Variants in DRC5 observed in about 807,000 individuals in gnomAD.
DRC5 encodes dynein regulatory complex subunit 5, also known as T-complex-associated testis-expressed protein 1.
chr6:44,282,704 G>C, the DRC5 span: 3 of 629,684 alleles, frequency 4.8e-6, no homozygotes, highest in Admixed American at 9.0e-5. Flanking sequence ...TGGCAGAGTA[G>C]TGTAGAATTG....
chr6:44,293,959 A>T, the DRC5 span, among the ~76,000 whole-genome samples: 1 of 152,352 alleles, frequency 6.6e-6, no homozygotes, highest in South Asian at 2.1e-4. Context: ...TAAATCATAA[A>T]ATGTATACTG....
At chr6:44,288,719 C>T in the DRC5 span, among the ~76,000 whole-genome samples, 4 of 152,058 alleles carry the variant, frequency 2.6e-5, no homozygotes, top group South Asian at 2.1e-4. Context: ...CAAGGCTGGG[C>T]GTGGTGGCTC....
the DRC5 span, among the ~76,000 whole-genome samples, chr6:44,293,925 A>C: frequency 3.9e-5 from 6 of 152,152 alleles, no homozygotes; most frequent in Non-Finnish European, 8.8e-5. Context: ...ATATCTCATC[A>C]TTTTAGGTCA....
chr6:44,290,298 G>A, the DRC5 span, among the ~76,000 whole-genome samples: 2 of 152,142 alleles, frequency 1.3e-5, no homozygotes, highest in Admixed American at 1.3e-4. Context: ...CCTTATCTGA[G>A]AAACTGGATA....
the DRC5 span, chr6:44,287,342 T>C: frequency 1.5e-6 from 1 of 673,258 alleles, no homozygotes; most frequent in South Asian, 6.7e-5. Context: ...TGGGTGGGAG[T>C]CTGGTGGGAC....
chr6:44,283,347 G>A, the DRC5 span, among the ~76,000 whole-genome samples: 1 of 150,002 alleles, frequency 6.7e-6, no homozygotes, highest in Non-Finnish European at 1.5e-5. Flanking sequence ...AGGTTGCCAG[G>A]GCAAGAACCA....
chr6:44,285,415 G>T, the DRC5 span, among the ~76,000 whole-genome samples: 11 of 152,106 alleles, frequency 7.2e-5, no homozygotes, highest in Admixed American at 3.3e-4. Flanking sequence ...TTGGAGACAG[G>T]GTCTCATTTT....
At chr6:44,280,132 G>C in the DRC5 span, 1 of 1,511,790 alleles carries the variant, frequency 6.6e-7, no homozygotes, top group Non-Finnish European at 9.2e-7. Context: ...GCATGGCAGG[G>C]GTATGAAATG....
chr6:44,290,308 A>C, the DRC5 span, among the ~76,000 whole-genome samples: 1 of 152,158 alleles, frequency 6.6e-6, no homozygotes, highest in Non-Finnish European at 1.5e-5. Context: ...GAAACTGGAT[A>C]ATAATATCTT....
chr6:44,292,361 G>A, the DRC5 span, among the ~76,000 whole-genome samples: 4 of 152,138 alleles, frequency 2.6e-5, no homozygotes, highest in Non-Finnish European at 5.9e-5. Context: ...CTCTCTGAAG[G>A]CAAGGTGCTT....
chr6:44,285,356 G>A, the DRC5 span, among the ~76,000 whole-genome samples: 1 of 152,116 alleles, frequency 6.6e-6, no homozygotes, highest in East Asian at 1.9e-4. Flanking sequence ...TGGAATATTC[G>A]GGACATACTT....
chr6:44,288,633 T>C, the DRC5 span, among the ~76,000 whole-genome samples: 1 of 152,164 alleles, frequency 6.6e-6, no homozygotes, highest in African/African-American at 2.4e-5. Flanking sequence ...AACAGAAATA[T>C]AATGCAAGCC....
At chr6:44,290,977 G>C in the DRC5 span, among the ~76,000 whole-genome samples, 1 of 152,148 alleles carries the variant, frequency 6.6e-6, no homozygotes, top group South Asian at 2.1e-4. Context: ...GGTCCTAATT[G>C]GTCTTGCTGC....
the DRC5 span, among the ~76,000 whole-genome samples, chr6:44,295,159 G>A: frequency 2.6e-5 from 4 of 152,174 alleles, no homozygotes; most frequent in South Asian, 2.1e-4. Flanking sequence ...CTAGGAGCAT[G>A]TTCAAGACTC....
At chr6:44,287,737 G>T in the DRC5 span, 2 of 1,614,204 alleles carry the variant, frequency 1.2e-6, no homozygotes, top group Non-Finnish European at 1.7e-6. Flanking sequence ...TGTGCTTGAA[G>T]TGTGTCCTCC....
At chr6:44,282,081 C>T in the DRC5 span, 12 of 1,595,000 alleles carry the variant, frequency 7.5e-6, no homozygotes, top group East Asian at 2.0e-4. Flanking sequence ...TCCACACCCA[C>T]CCTCACAAGC....
the DRC5 span, chr6:44,282,701 G>A: frequency 1.6e-6 from 1 of 639,978 alleles, no homozygotes; most frequent in South Asian, 1.9e-5. Context: ...GCATGGCAGA[G>A]TAGTGTAGAA....
At chr6:44,282,799 C>CTTTTTTT in the DRC5 span, among the ~76,000 whole-genome samples, 1 of 105,236 alleles carries the variant, frequency 9.5e-6, no homozygotes, top group Non-Finnish European at 1.8e-5. Flanking sequence ...CCTTTTTTAT[C>CTTTTTTT]TTTTTTTTTT....
the DRC5 span, among the ~76,000 whole-genome samples, chr6:44,293,487 C>A: frequency 1.3e-5 from 2 of 152,096 alleles, no homozygotes; most frequent in African/African-American, 2.4e-5. Context: ...TCTTCAACCA[C>A]CCTATAATGG....
Sources: allele counts gnomAD v4.1 joint callset (sites outside exome capture counted in the v4.1 genomes callset), GRCh38; gene constraint gnomAD v4.1.1; transcripts MANE v1.5; gene names NCBI Gene and HGNC (gene_info 2026-07-23, HGNC 2026-07-21).